The following NTAN1 variants were observed in gnomAD, a reference collection of about 807,000 sequenced individuals.
NTAN1 encodes protein N-terminal asparagine amidohydrolase.
A neutral mutation model predicts 41.9 loss-of-function variants in NTAN1; 32 were observed. That is an observed-to-expected ratio of 0.76 (90% CI 0.58 to 1.03). The LOEUF is 1.03. NTAN1 is among the 50% of genes least tolerant of loss of function. The pLI, the probability that NTAN1 is intolerant of heterozygous loss-of-function variation, is 0.00. For synonymous variants in NTAN1, 140 were observed against 139.5 expected, an observed-to-expected ratio of 1.00 and a Z score of -0.03; for missense variants, 377 against 377.5, an observed-to-expected ratio of 1.00 and a Z score of 0.01.
chr16:15,038,566 A>ACTC lies in NTAN1; in HGVS notation c.753+5_753+7dup, dbSNP rs1393891389. ...GATTTAAGACTTACCCAGCCTGTAA[A>ACTC]CTCTCACCTCTAGTATTTGCTTGTC... On this transcript the variant is annotated splice_region_variant and intron_variant, in intron 9 of 9. Transcript: ENST00000287706. 2.1e-6 allele frequency: 3 copies of ACTC among 1,452,328 alleles called. No individual in the cohort carries two copies. In the African/African-American group the frequency reaches 4.2e-5, roughly 20 times the overall value. The allele number at this position is 1,452,328 out of a possible 1,614,324, so 90.0% of individuals were successfully genotyped here.
At chr16:15,044,234 GCC>G in intron 5 of NTAN1, 98 bp downstream of exon 5, 2 of 752,382 alleles carry the variant, frequency 2.7e-6, no homozygotes, top group Admixed American at 4.0e-5. Flanking sequence ...AAGTGGGTGT[GCC>G]CTTCTTGGGT....
chr16:15,039,253 C>G (rs2043694337), intron 8 of NTAN1, among the ~76,000 whole-genome samples: 1 of 152,202 alleles, frequency 6.6e-6, no homozygotes, highest in African/African-American at 2.4e-5. Context: ...ATCAACTAAA[C>G]TAGGCCTGTT....
At chr16:15,041,707 GA>G in intron 5 of NTAN1, 31 bp from the exon 6 acceptor site, 1 of 1,540,352 alleles carries the variant, frequency 6.5e-7, no homozygotes, top group Non-Finnish European at 9.0e-7. Flanking sequence ...CCAGAAGTCA[GA>G]AAAGTTCCTC....
At position 15,038,094 on chromosome 16, in the gene NTAN1, T is replaced by A. The variant is rs144197264; in HGVS notation, c.870A>T (p.Lys290Asn). The change falls in exon 10 of 10, where the codon AAA becomes AAT. Residue 290 changes from lysine to asparagine, a missense_variant. By Grantham distance (94) the Lys-to-Asn change is moderately conservative (BLOSUM62 0). Transcript: ENST00000287706. ...CTTCATTTTTTTTGTAGAGTAGGGC[T>A]TTATTTCCAGAAAACAGTGTGTGAG... ...SPAHTLFSGN[K>N]ALLYKKNEDG... The A allele has an allele frequency of 1.2e-6, 2 of 1,612,650 alleles. No homozygotes were observed. The highest frequency in any genetic ancestry group is 1.7e-6 in the Non-Finnish European group (2 of 1,178,788).
chr16:15,049,810 A>C (rs2044228059), intron 1 of NTAN1, among the ~76,000 whole-genome samples: 1 of 152,256 alleles, frequency 6.6e-6, no homozygotes, highest in Non-Finnish European at 1.5e-5. Context: ...CACAGCCACT[A>C]ACTGCACAGT....
At chr16:15,041,518 A>T (rs1484033989) in intron 6 of NTAN1, 105 bp downstream of exon 6, 1 of 816,288 alleles carries the variant, frequency 1.2e-6, no homozygotes, top group Non-Finnish European at 2.2e-6. Flanking sequence ...GATGGTGGCC[A>T]AGCAGTGACA....
intron 7 of NTAN1, chr16:15,040,380 G>A (rs1007299772): frequency 9.8e-6 from 3 of 307,456 alleles, no homozygotes; most frequent in African/African-American, 2.2e-5. Flanking sequence ...ACTGGTGTAC[G>A]GCCAGGGGTG....
intron 5 of NTAN1, among the ~76,000 whole-genome samples, chr16:15,043,320 G>A (rs1339696655): frequency 2.0e-5 from 3 of 152,348 alleles, no homozygotes; most frequent in South Asian, 2.1e-4. Flanking sequence ...ACAGGCATGA[G>A]CCACCGTGCC....
chr16:15,047,379 C>G, intron 4 of NTAN1, 63 bp downstream of exon 4: 1 of 1,076,650 alleles, frequency 9.3e-7, no homozygotes, highest in Non-Finnish European at 1.4e-6. Context: ...GCTTCCACAG[C>G]CACGTCCTGT....
chr16:15,053,058 T>G (rs1282590682), intron 1 of NTAN1, among the ~76,000 whole-genome samples: 1 of 152,186 alleles, frequency 6.6e-6, no homozygotes, highest in Admixed American at 6.5e-5. Context: ...CCATGCTGTC[T>G]GCTCGGCACT....
chr16:15,055,299 T>C (rs1048637548), intron 1 of NTAN1, among the ~76,000 whole-genome samples: 25 of 152,284 alleles, frequency 1.6e-4, no homozygotes, highest in African/African-American at 6.0e-4. Context: ...AACCCGTGCA[T>C]CAGGGCGTGG....
At chr16:15,043,044 G>C (rs1015943349) in intron 5 of NTAN1, among the ~76,000 whole-genome samples, 1 of 152,110 alleles carries the variant, frequency 6.6e-6, no homozygotes, top group Non-Finnish European at 1.5e-5. Flanking sequence ...GGGATTACAG[G>C]CATGCACCAC....
At chr16:15,048,900 A>G (rs1454157959) in intron 1 of NTAN1, among the ~76,000 whole-genome samples, 1 of 147,340 alleles carries the variant, frequency 6.8e-6, no homozygotes, top group Non-Finnish European at 1.5e-5. Context: ...CTGGGAGTAC[A>G]GGCACACACC....
At chr16:15,040,371 C>G (rs1182950101) in intron 7 of NTAN1, 3 of 333,018 alleles carry the variant, frequency 9.0e-6, no homozygotes, top group Non-Finnish European at 1.6e-5. Flanking sequence ...GTCATCCCTA[C>G]TGGTGTACGG....
chr16:15,043,741 A>G (rs1038018520), intron 5 of NTAN1, among the ~76,000 whole-genome samples: 1 of 152,186 alleles, frequency 6.6e-6, no homozygotes, highest in Admixed American at 6.5e-5. Flanking sequence ...CCAGGTCGGG[A>G]GTTCACAACC....
intron 1 of NTAN1, among the ~76,000 whole-genome samples, chr16:15,048,394 G>GT (rs1022069094): frequency 2.0e-5 from 3 of 152,126 alleles, no homozygotes; most frequent in Non-Finnish European, 4.4e-5. Flanking sequence ...TTGTTTGTTT[G>GT]TTTTTTAAAG....
At position 15,037,932 on chromosome 16, in the gene NTAN1, C is replaced by CTAAGACCCAACAGATG; in HGVS notation, c.*83_*98dup. 1.2e-6 allele frequency: 1 copy of CTAAGACCCAACAGATG among 807,086 alleles called. No individual in the cohort carries two copies. The highest frequency in any genetic ancestry group is 1.8e-5 in the South Asian group (1 of 55,810). The allele number at this position is 807,086 out of a possible 1,614,324, so 50.0% of individuals were successfully genotyped here. ...AAAGACACTGAGGAGGGAAGGAGGC[C>CTAAGACCCAACAGATG]TAAGACCCAACAGATGTAGGATCCA... On this transcript the variant is annotated 3_prime_UTR_variant, in exon 10 of 10. Coordinates refer to ENST00000287706, the MANE Select transcript of NTAN1 (RefSeq NM_173474.4).
chr16:15,040,879 A>T (rs1035735468), intron 7 of NTAN1, among the ~76,000 whole-genome samples, 189 bp downstream of exon 7: 2 of 152,122 alleles, frequency 1.3e-5, no homozygotes, highest in Non-Finnish European at 2.9e-5. Flanking sequence ...ATGTTATCTC[A>T]GTTTTATAGG....
chr16:15,040,744 C>T (rs937170395), intron 7 of NTAN1, among the ~76,000 whole-genome samples: 4 of 152,112 alleles, frequency 2.6e-5, no homozygotes, highest in East Asian at 1.9e-4. Flanking sequence ...AAAAGCACGC[C>T]GGGCCTGGGG....
Sources: allele counts gnomAD v4.1 joint callset (sites outside exome capture counted in the v4.1 genomes callset), GRCh38; gene constraint gnomAD v4.1.1; transcripts MANE v1.5; gene names NCBI Gene and HGNC (gene_info 2026-07-23, HGNC 2026-07-21).